PCDH10: variants seen among roughly 807,000 people sequenced by gnomAD.
The protein encoded by PCDH10 is protocadherin-10.
Under a neutral mutation model 74.4 loss-of-function variants are expected in PCDH10, and 15 were observed. The ratio of observed to expected loss-of-function variants is 0.20; its 90% confidence interval spans 0.13 to 0.31. The LOEUF (loss-of-function observed/expected upper bound fraction) is 0.31. PCDH10 is among the 10% of genes least tolerant of loss of function. PCDH10 has a pLI of 1.00. For synonymous variants in PCDH10, 619 were observed against 589.8 expected, an observed-to-expected ratio of 1.05 and a Z score of -0.72; for missense variants, 1,260 against 1,390.2, an observed-to-expected ratio of 0.91 and a Z score of 1.49.
At chr4:133,155,533 A>G (rs1726848927) in intron 3 of PCDH10, among the ~76,000 whole-genome samples, 1 of 152,244 alleles carries the variant, frequency 6.6e-6, no homozygotes, top group South Asian at 2.1e-4. Flanking sequence ...AATGGTGATT[A>G]AAAGTCATTA....
At chr4:133,199,954 C>G (rs540003124) in intron 2 of PCDH10, among the ~76,000 whole-genome samples, 1 of 151,132 alleles carries the variant, frequency 6.6e-6, no homozygotes, top group African/African-American at 2.4e-5. Context: ...CACGCCGCCA[C>G]GCCCAGCTAA....
At chr4:133,208,095 A>G (rs1728082730) in exon 3 of PCDH10, 1 of 152,196 alleles carries the variant, frequency 6.6e-6, no homozygotes, top group Non-Finnish European at 1.5e-5. Flanking sequence ...GGAGGCAGCT[A>G]TGTGGAGAGA....
chr4:133,162,962 G>C lies in PCDH10; in HGVS notation c.2798-15G>C. ...GGTGAAGACTACATCCGTAGTTTCTGTTTTCTGCTTACAGGTATGGATCTC... is the reference window on the plus strand; with the variant it reads ...GGTGAAGACTACATCCGTAGTTTCTCTTTTCTGCTTACAGGTATGGATCTC... On this transcript the variant is annotated splice_polypyrimidine_tract_variant and intron_variant, in intron 3 of 4. Transcript: ENST00000264360. 1 of 1,597,242 alleles carries C rather than the reference G, an allele frequency of 6.3e-7. No individual in the cohort carries two copies. Among genetic ancestry groups the C allele is most frequent in the Non-Finnish European group, 8.6e-7 (1 of 1,167,898 alleles).
At chr4:133,205,861 C>A (rs1434218214) in intron 2 of PCDH10, among the ~76,000 whole-genome samples, 3 of 152,050 alleles carry the variant, frequency 2.0e-5, no homozygotes, top group Non-Finnish European at 4.4e-5. Flanking sequence ...TTTGCATATG[C>A]AATACTTAAT....
intron 2 of PCDH10, among the ~76,000 whole-genome samples, chr4:133,200,255 A>G (rs1291877192): frequency 6.6e-6 from 1 of 151,994 alleles, no homozygotes; most frequent in Non-Finnish European, 1.5e-5. Flanking sequence ...TATGTAAATT[A>G]TAATTAGTTT....
At chr4:133,159,187 A>G (rs948301302) in intron 3 of PCDH10, among the ~76,000 whole-genome samples, 6 of 152,126 alleles carry the variant, frequency 3.9e-5, no homozygotes, top group African/African-American at 1.2e-4. Flanking sequence ...ATGTTCACGC[A>G]ATATTGTATT....
intron 3 of PCDH10, 126 bp downstream of exon 3, chr4:133,155,149 A>G: frequency 1.5e-6 from 1 of 674,604 alleles, no homozygotes; most frequent in East Asian, 2.7e-5. Flanking sequence ...CTACAGAAAA[A>G]TAGTGTCACT....
chr4:133,166,609 T>C (rs1359831392), intron 4 of PCDH10, among the ~76,000 whole-genome samples: 5 of 151,548 alleles, frequency 3.3e-5, no homozygotes, highest in Non-Finnish European at 7.4e-5. Context: ...AAAACCCTAC[T>C]AGTTAAAACA....
At position 133,152,375 on chromosome 4, in the gene PCDH10, G is replaced by T. The variant is rs748926813; in HGVS notation, c.2235G>T (p.Lys745Asn). 6.2e-7 allele frequency: 1 copy of T among 1,614,096 alleles called. No individual in the cohort carries two copies. The highest frequency in any genetic ancestry group is 1.3e-5 in the African/African-American group (1 of 74,944). ...VLAVRCQKEK[K>N]LNIYTCLASD... ...CCGTGCGTTGCCAAAAAGAGAAGAA[G>T]CTCAACATCTATACTTGTCTGGCCA... is the stretch of plus-strand genomic sequence containing the variant. Residue 745 changes from lysine to asparagine, a missense_variant, in exon 1 of 5, where the codon AAG (lysine) becomes AAT (asparagine). Lys to Asn is a moderately conservative substitution (Grantham distance 94). Around this residue, in one of 11 missense-constraint regions of PCDH10, gnomAD observed 587 missense variants for 616.9 expected, o/e 0.95. Transcript: ENST00000264360.
intron 4 of PCDH10, among the ~76,000 whole-genome samples, chr4:133,183,956 T>C (rs2125871341): frequency 6.6e-6 from 1 of 152,304 alleles, no homozygotes; most frequent in Middle Eastern, 3.4e-3. Flanking sequence ...TGCCGATTTC[T>C]TATTTTTAAA....
chr4:133,186,938 A>C (rs1165017638), intron 4 of PCDH10, among the ~76,000 whole-genome samples: 1 of 152,074 alleles, frequency 6.6e-6, no homozygotes, highest in Non-Finnish European at 1.5e-5. Flanking sequence ...GGCTGGTCTC[A>C]AACTCCTGGG....
chr4:133,171,212 T>A (rs1727198235), intron 4 of PCDH10, among the ~76,000 whole-genome samples: 1 of 152,162 alleles, frequency 6.6e-6, no homozygotes, highest in African/African-American at 2.4e-5. Flanking sequence ...TTGATATTCA[T>A]CATATATTTT....
chr4:133,182,022 T>G (rs2125870577), intron 4 of PCDH10, among the ~76,000 whole-genome samples: 1 of 152,274 alleles, frequency 6.6e-6, no homozygotes, highest in Non-Finnish European at 1.5e-5. Context: ...ATATGTTTTT[T>G]AATGAAGGTC....
Position 133,150,974 on chromosome 4 carries a change from C to G in PCDH10, c.834C>G (p.Asp278Glu). The G allele has an allele frequency of 1.2e-6, 2 of 1,613,884 alleles. No individual in the cohort carries two copies. The highest frequency in any genetic ancestry group is 1.7e-6 in the Non-Finnish European group (2 of 1,179,998). ...TCCAGCTCAACGCCACCGACCCGGA[C>G]GAGGGCCAGAACGGTGAGGTCGTGT... ...LVIQLNATDP[D>E]EGQNGEVVYS... Residue 278 changes from aspartate (D) to glutamate (E), a missense_variant, in exon 1 of 5, where the codon GAC becomes GAG. Physicochemically the swap from Asp to Glu is conservative, Grantham distance 45 (BLOSUM62 2). This residue lies in a region of PCDH10 where 192 missense variants were observed against 161.2 expected (regional missense o/e 1.19). Transcript: ENST00000264360.
chr4:133,155,068 T>C (rs780838936), intron 3 of PCDH10, 45 bp downstream of exon 3: 1 of 1,340,382 alleles, frequency 7.5e-7, no homozygotes, highest in African/African-American at 1.4e-5. Context: ...TTTTATAGTT[T>C]TTGTTTTTAA....
At chr4:133,200,428 A>G (rs1302589417) in intron 2 of PCDH10, among the ~76,000 whole-genome samples, 1 of 152,220 alleles carries the variant, frequency 6.6e-6, no homozygotes, top group East Asian at 1.9e-4. Flanking sequence ...GAAAATGTTA[A>G]TAAAATATTT....
chr4:133,187,558 C>T (rs1295448983), intron 4 of PCDH10, among the ~76,000 whole-genome samples: 1 of 151,914 alleles, frequency 6.6e-6, no homozygotes, highest in Admixed American at 6.6e-5. Context: ...AAGTTCAGAT[C>T]TTATATTTGT....
chr4:133,197,295 TG>T (rs1727815468), downstream of PCDH10, among the ~76,000 whole-genome samples: 1 of 152,192 alleles, frequency 6.6e-6, no homozygotes, highest in Admixed American at 6.5e-5. Flanking sequence ...AGAATCATTT[TG>T]TTTGCATATG....
chr4:133,163,412 G>A, intron 4 of PCDH10, 130 bp downstream of exon 4: 1 of 748,538 alleles, frequency 1.3e-6, no homozygotes, highest in Non-Finnish European at 2.1e-6. Flanking sequence ...CTGGATGCTG[G>A]CAGCACTTTA....
Sources: allele counts gnomAD v4.1 joint callset (sites outside exome capture counted in the v4.1 genomes callset), GRCh38; gene constraint gnomAD v4.1.1; regional missense constraint gnomAD v4.1.1; transcripts MANE v1.5; gene names NCBI Gene and HGNC (gene_info 2026-07-23, HGNC 2026-07-21).